The following LRRC49 variants were observed in gnomAD, a reference collection of about 807,000 sequenced individuals.
LRRC49 encodes the protein leucine rich repeat containing 49, also known as leucine-rich repeat-containing protein 49.
LRRC49 carries 50 observed loss-of-function variants against 83.3 expected under a neutral mutation model. The observed-to-expected ratio is 0.60, with a 90% CI of 0.48 to 0.76. The LOEUF (loss-of-function observed/expected upper bound fraction) is 0.76, where lower values mean the gene tolerates loss of function less well. Ranked by LOEUF, LRRC49 falls within the 30% of genes least tolerant of loss-of-function variation. The pLI is 0.00. For missense variants in LRRC49, 704 were observed against 809.1 expected (o/e 0.87, Z 1.58); for synonymous variants, 286 against 283.3 (o/e 1.01, Z -0.10).
chr15:70,993,986 C>T (rs2037989346), intron 11 of LRRC49, among the ~76,000 whole-genome samples: 6 of 151,800 alleles, frequency 4.0e-5, no homozygotes, highest in Admixed American at 3.9e-4. Context: ...CTGGGATTTT[C>T]CAGGTGCCCA....
intron 15 of LRRC49, among the ~76,000 whole-genome samples, chr15:71,044,205 A>T (rs796189230): frequency 1.3e-5 from 2 of 152,192 alleles, no homozygotes; most frequent in Admixed American, 1.3e-4. Context: ...TTTCAGAGTG[A>T]GGGAAGATCT....
At chr15:71,007,727 A>G (rs1224358128) in intron 11 of LRRC49, among the ~76,000 whole-genome samples, 1 of 147,124 alleles carries the variant, frequency 6.8e-6, no homozygotes, top group African/African-American at 2.5e-5. Context: ...ATATATATAT[A>G]TATATATATA....
intron 15 of LRRC49, among the ~76,000 whole-genome samples, chr15:71,043,175 C>G (rs2039748948): frequency 6.6e-6 from 1 of 152,088 alleles, no homozygotes; most frequent in Non-Finnish European, 1.5e-5. Flanking sequence ...ATGCTTAATC[C>G]TGAGCAGATC....
Position 71,049,829 on chromosome 15 carries a change from C to T in LRRC49, c.*217C>T. On this transcript the variant is annotated 3_prime_UTR_variant, in exon 16 of 16. Coordinates refer to ENST00000260382, the MANE Select transcript of LRRC49 (RefSeq NM_017691.5). Reference sequence around the variant, plus strand: ...TAATTGCCTGTATGTGAGGACCAAACAACCTTTGGGAACTAAACAGTTTTC... The same window carrying T: ...TAATTGCCTGTATGTGAGGACCAAATAACCTTTGGGAACTAAACAGTTTTC... 2.1e-6 allele frequency: 1 copy of T among 478,212 alleles called. No individual in the cohort carries two copies. Among genetic ancestry groups the T allele is most frequent in the Non-Finnish European group, 3.7e-6 (1 of 272,120 alleles). 29.6% of individuals were successfully genotyped at this position (478,212 alleles called of 1,614,324 possible). A position where few individuals can be genotyped will look rare whatever the true frequency, so the allele number is the denominator to read the frequency against.
intron 3 of LRRC49, chr15:70,900,589 AG>A (rs1248359031): frequency 2.2e-6 from 1 of 459,660 alleles, no homozygotes; most frequent in Non-Finnish European, 4.4e-6. Context: ...TCTGGTAATG[AG>A]GAACTATCAT....
chr15:70,979,758 T>A (rs1241056991), intron 9 of LRRC49, among the ~76,000 whole-genome samples: 2 of 152,248 alleles, frequency 1.3e-5, no homozygotes, highest in South Asian at 2.1e-4. Context: ...CTTACCTTGA[T>A]GATAGAAAGT....
chr15:70,921,526 A>G (rs1218591316), intron 7 of LRRC49, among the ~76,000 whole-genome samples: 1 of 152,176 alleles, frequency 6.6e-6, no homozygotes, highest in African/African-American at 2.4e-5. Flanking sequence ...ATTATACACT[A>G]CTTGATTCAG....
At chr15:70,985,776 G>A (rs1253174063) in intron 11 of LRRC49, among the ~76,000 whole-genome samples, 26 of 148,414 alleles carry the variant, frequency 1.8e-4, no homozygotes, top group Admixed American at 6.8e-5. Context: ...TAACATTTAA[G>A]TCTTTAATCC....
chr15:71,016,424 T>A (rs778541176), intron 14 of LRRC49, among the ~76,000 whole-genome samples: 17 of 151,964 alleles, frequency 1.1e-4, no homozygotes, highest in Non-Finnish European at 2.4e-4. Flanking sequence ...CAAGAAAGAT[T>A]AGAAAGTAAT....
chr15:70,910,617 C>A (rs1204058864), intron 5 of LRRC49, among the ~76,000 whole-genome samples: 1 of 152,166 alleles, frequency 6.6e-6, no homozygotes, highest in Admixed American at 6.5e-5. Context: ...AAGCATTTTA[C>A]AAACTGAGCA....
intron 7 of LRRC49, among the ~76,000 whole-genome samples, chr15:70,925,968 A>G (rs2035180915): frequency 6.6e-6 from 1 of 152,122 alleles, no homozygotes; most frequent in African/African-American, 2.4e-5. Context: ...CCCCTGCCCC[A>G]CAGGTATTCT....
intron 2 of LRRC49, among the ~76,000 whole-genome samples, chr15:70,876,159 C>T (rs910412839): frequency 1.3e-5 from 2 of 152,200 alleles, no homozygotes; most frequent in South Asian, 2.1e-4. Flanking sequence ...ATGGTTTCAA[C>T]GATCACTTTC....
At chr15:70,864,805 T>C (rs1298897317) in intron 1 of LRRC49, among the ~76,000 whole-genome samples, 2 of 152,210 alleles carry the variant, frequency 1.3e-5, no homozygotes, top group Non-Finnish European at 2.9e-5. Context: ...AGTTTCAGTT[T>C]GGGTTCTTCT....
intron 9 of LRRC49, among the ~76,000 whole-genome samples, chr15:70,977,415 T>A (rs1404794113): frequency 1.3e-5 from 2 of 152,164 alleles, no homozygotes; most frequent in Admixed American, 6.6e-5. Flanking sequence ...GAGGCTGAAG[T>A]GGGCAGATCA....
intron 14 of LRRC49, among the ~76,000 whole-genome samples, chr15:71,032,438 T>G (rs957974630): frequency 1.6e-4 from 25 of 151,730 alleles, no homozygotes; most frequent in African/African-American, 5.3e-4. Flanking sequence ...TCTTGGTTCC[T>G]TCTATTCTGT....
chr15:70,942,701 T>A (rs991206805), intron 8 of LRRC49, among the ~76,000 whole-genome samples: 56 of 152,000 alleles, frequency 3.7e-4, no homozygotes, highest in African/African-American at 1.3e-3. Flanking sequence ...GTGCACAAGG[T>A]GGTCAGGGTG....
chr15:71,031,124 C>T (rs754471099), intron 14 of LRRC49, among the ~76,000 whole-genome samples: 33 of 152,242 alleles, frequency 2.2e-4, no homozygotes, highest in Middle Eastern at 3.4e-3. Context: ...CTGGTTTTTC[C>T]TCATCTTTGT....
chr15:70,921,949 C>G (rs934165926), intron 7 of LRRC49, among the ~76,000 whole-genome samples: 4 of 152,082 alleles, frequency 2.6e-5, no homozygotes, highest in Admixed American at 6.6e-5. Flanking sequence ...AAATTTCAAA[C>G]CAAGTATTTT....
chr15:71,009,759 A>G (rs750811074), intron 12 of LRRC49, 48 bp from the exon 13 acceptor site: 3 of 1,263,520 alleles, frequency 2.4e-6, no homozygotes, highest in South Asian at 1.5e-5. Context: ...ATATTTCAAT[A>G]TGGTTAAAAT....
Sources: allele counts gnomAD v4.1 joint callset (sites outside exome capture counted in the v4.1 genomes callset), GRCh38; gene constraint gnomAD v4.1.1; transcripts MANE v1.5; gene names NCBI Gene and HGNC (gene_info 2026-07-23, HGNC 2026-07-21).